Variants in PATJ observed in about 807,000 individuals in gnomAD.
PATJ encodes the protein inaD-like protein.
In PATJ, 190 loss-of-function variants were observed where a neutral mutation model predicts 224.9. The observed-to-expected ratio is 0.84, with a 90% CI of 0.75 to 0.95. The LOEUF is 0.95. Ranked by LOEUF, PATJ falls within the 40% of genes least tolerant of loss-of-function variation. The pLI, the probability that PATJ is intolerant of heterozygous loss-of-function variation, is 0.00. For synonymous variants in PATJ, 769 were observed against 820.3 expected (o/e 0.94, Z 1.07); for missense variants, 2,121 against 2,270.3 (o/e 0.93, Z 1.34).
chr1:61,954,631 T>C (rs2151124), intron 27 of PATJ, among the ~76,000 whole-genome samples: 131,091 of 152,164 alleles, frequency 0.86, 56,516 homozygotes, highest in Admixed American at 0.9. Flanking sequence ...TTGCTGAATG[T>C]AATGGGGCAG....
intron 30 of PATJ, among the ~76,000 whole-genome samples, chr1:62,046,448 G>T (rs1021421760): frequency 4.6e-5 from 7 of 152,134 alleles, no homozygotes; most frequent in African/African-American, 1.7e-4. Flanking sequence ...ACTCCATCTA[G>T]ATTTGGACTT....
chr1:61,742,601 T>G (rs11579003), intron 1 of PATJ, 46 bp downstream of exon 1: 149,906 of 152,310 alleles, frequency 0.98, 73,814 homozygotes, highest in Middle Eastern at 1. Flanking sequence ...CGCCCCTGGG[T>G]GTCCCCGCGC....
chr1:61,904,144 G>A (rs1471009600), intron 24 of PATJ, among the ~76,000 whole-genome samples: 1 of 152,000 alleles, frequency 6.6e-6, no homozygotes, highest in African/African-American at 2.4e-5. Context: ...TTTTTTGTAA[G>A]CAACATCCAA....
At position 61,857,928 on chromosome 1, in the gene PATJ, A is replaced by G. The variant is rs1389001226; in HGVS notation, c.2322+1689A>G. Among the ~76,000 whole-genome samples, 17 of 152,194 alleles carry G rather than the reference A, an allele frequency of 1.1e-4. 1 individual carries two copies. Among genetic ancestry groups the G allele is most frequent in the Non-Finnish European group, 1.5e-4 (10 of 68,030 alleles). ...GGTATTTTTTTAACTCCAATTCTTT[A>G]ATGTATGAAACATTTTAACTTAACA... On this transcript the variant is annotated intron_variant, in intron 18 of 43. Transcript: ENST00000642238.
Position 61,743,877 on chromosome 1 carries a change from A to G in PATJ, c.-36+1322A>G, listed in dbSNP as rs150401425. On this transcript the variant is annotated intron_variant, in intron 1 of 43. Coordinates refer to ENST00000642238, the MANE Select transcript of PATJ (RefSeq NM_001350145.3). Reference sequence around the variant, plus strand: ...CACAGGCCTGGCAAGCCATATATGCATGGAAGAGGGGAGGGTAAAAGGAAA... The same window carrying G: ...CACAGGCCTGGCAAGCCATATATGCGTGGAAGAGGGGAGGGTAAAAGGAAA... 1.8e-4 allele frequency among the ~76,000 whole-genome samples: 27 copies of G among 152,292 alleles called. No homozygotes were observed. The East Asian group carries it at 5.0e-3, about 28-fold the overall frequency.
intron 25 of PATJ, among the ~76,000 whole-genome samples, chr1:61,912,234 C>T (rs972332386): frequency 1.3e-5 from 2 of 152,090 alleles, no homozygotes; most frequent in Non-Finnish European, 2.9e-5. Flanking sequence ...GGTGGAGTCT[C>T]ATTGAGCATT....
chr1:62,153,376 T>C lies in PATJ; in HGVS notation c.5397T>C (p.Ile1799=). ...TTTTCAGAACACCTCCACCTAAGAT[T>C]ATTACTTTGGAGAAAGGCTCTGAAG... The part of the protein sequence containing the change: ...PEDTETPPPK[I]ITLEKGSEGL... The change falls in exon 43 of 44, where the codon ATT becomes ATC. Residue 1799 remains isoleucine, a synonymous_variant. Coordinates refer to ENST00000642238, the MANE Select transcript of PATJ (RefSeq NM_001350145.3). 9 of 1,231,626 alleles carry C rather than the reference T, an allele frequency of 7.3e-6. No individual in the cohort carries two copies. The highest frequency in any genetic ancestry group is 9.1e-6 in the Non-Finnish European group (9 of 987,498). The allele number at this position is 1,231,626 out of a possible 1,614,324, so 76.3% of individuals were successfully genotyped here.
chr1:62,087,132 G>A (rs1054892694), intron 33 of PATJ, among the ~76,000 whole-genome samples: 9 of 152,024 alleles, frequency 5.9e-5, no homozygotes, highest in Admixed American at 5.2e-4. Context: ...AGGTTGCACA[G>A]ACACTTGAAG....
chr1:61,756,728 G>A (rs887469908), intron 1 of PATJ, among the ~76,000 whole-genome samples: 7 of 151,838 alleles, frequency 4.6e-5, no homozygotes, highest in South Asian at 2.1e-4. Flanking sequence ...ACAGGCGTGC[G>A]CCACCACGCC....
chr1:62,097,289 G>A (rs577850275), intron 33 of PATJ, among the ~76,000 whole-genome samples: 21 of 151,874 alleles, frequency 1.4e-4, no homozygotes, highest in African/African-American at 4.8e-4. Context: ...CATTGAAACT[G>A]GCTATATGTG....
rs1163467122 is a variant in PATJ at position 62,062,275 on chromosome 1, TAGC to T, written c.4125+11221_4125+11223del. ...ACATCTGTTTTTTTTTATTTTTTAA[TAGC>T]AGCCATTTAGACTGGTATGAGGTGG... On this transcript the variant is annotated intron_variant, in intron 31 of 43. Transcript: ENST00000642238. Among the ~76,000 whole-genome samples, 6 of 151,924 alleles carry T rather than the reference TAGC, an allele frequency of 3.9e-5. No homozygotes were observed. The East Asian group carries it at 7.7e-4, about 20-fold the overall frequency.
intron 17 of PATJ, among the ~76,000 whole-genome samples, chr1:61,855,748 C>T (rs969099877): frequency 1.3e-5 from 2 of 152,060 alleles, no homozygotes; most frequent in Non-Finnish European, 1.5e-5. Flanking sequence ...CTTTTTCTAG[C>T]AAGGTCTTGC....
chr1:61,803,430 T>C (rs898427987), intron 12 of PATJ, among the ~76,000 whole-genome samples: 1 of 152,152 alleles, frequency 6.6e-6, no homozygotes. Context: ...CTCCAACACA[T>C]GCACTACAAG....
chr1:62,118,365 G>A (rs1186709037), intron 37 of PATJ, among the ~76,000 whole-genome samples: 1 of 152,074 alleles, frequency 6.6e-6, no homozygotes, highest in Non-Finnish European at 1.5e-5. Context: ...CATCTTTGTT[G>A]AATGATTTCA....
chr1:62,154,883 C>T (rs781179421), intron 43 of PATJ, among the ~76,000 whole-genome samples: 7 of 152,144 alleles, frequency 4.6e-5, no homozygotes, highest in South Asian at 4.1e-4. Context: ...CATTTACCCC[C>T]TTCCTGCATC....
At chr1:61,978,193 A>G (rs1450450484) in intron 27 of PATJ, among the ~76,000 whole-genome samples, 1 of 143,766 alleles carries the variant, frequency 7.0e-6, no homozygotes, top group Non-Finnish European at 1.5e-5. Flanking sequence ...TTTCATCTTC[A>G]TATCTTCCTT....
chr1:61,882,729 G>T (rs886596771), intron 21 of PATJ, among the ~76,000 whole-genome samples: 3 of 152,092 alleles, frequency 2.0e-5, no homozygotes, highest in Non-Finnish European at 4.4e-5. Context: ...GAGATTACAG[G>T]CGTGCTCCAC....
At chr1:61,750,341 G>GCTTCCAT (rs1355112337) in intron 1 of PATJ, among the ~76,000 whole-genome samples, 3 of 152,020 alleles carry the variant, frequency 2.0e-5, no homozygotes, top group Non-Finnish European at 4.4e-5. Context: ...TTTCACTTTA[G>GCTTCCAT]CTTCCATTAA....
intron 22 of PATJ, among the ~76,000 whole-genome samples, chr1:61,892,719 G>A (rs1669778334): frequency 6.6e-6 from 1 of 152,088 alleles, no homozygotes; most frequent in African/African-American, 2.4e-5. Context: ...AAGGTACAGC[G>A]AGGATACCCC....
Sources: gnomAD v4.1 joint callset for allele counts (sites outside exome capture counted in the v4.1 genomes callset) on GRCh38, gnomAD v4.1.1 for gene constraint, MANE v1.5 for transcripts, NCBI Gene and HGNC (gene_info 2026-07-23, HGNC 2026-07-21) for gene names.